The following ESRRG variants were observed in gnomAD, a reference collection of about 807,000 sequenced individuals.
The protein encoded by ESRRG is estrogen-related receptor gamma.
Under a neutral mutation model 44.0 loss-of-function variants are expected in ESRRG, and 13 were observed. The observed-to-expected ratio is 0.30, with a 90% CI of 0.19 to 0.47. The LOEUF is 0.47. Ranked by LOEUF, ESRRG falls within the 20% of genes least tolerant of loss-of-function variation. The pLI is 1.00. For synonymous variants in ESRRG, 215 were observed against 214.6 expected (o/e 1.00, Z -0.02); for missense variants, 395 against 580.6 (o/e 0.68, Z 3.29).
At chr1:216,606,820 G>A (rs1209436410) in intron 3 of ESRRG, among the ~76,000 whole-genome samples, 2 of 152,160 alleles carry the variant, frequency 1.3e-5, no homozygotes, top group Non-Finnish European at 2.9e-5. Flanking sequence ...GTCAGGTTGA[G>A]AATTATTTTA....
chr1:216,863,124 G>GA (rs1346250564), intron 2 of ESRRG: 2 of 152,142 alleles, frequency 1.3e-5, no homozygotes, highest in Admixed American at 6.6e-5. Context: ...TAAAAGCATA[G>GA]ATTGTTGGGT....
intron 2 of ESRRG, among the ~76,000 whole-genome samples, chr1:216,783,557 A>G (rs2094010583): frequency 6.6e-6 from 1 of 152,028 alleles, no homozygotes; most frequent in South Asian, 2.1e-4. Context: ...TTATAAATAT[A>G]TCTTCTCGTG....
At chr1:216,889,685 A>AT (rs963847334) in intron 2 of ESRRG, among the ~76,000 whole-genome samples, 19 of 152,084 alleles carry the variant, frequency 1.2e-4, no homozygotes, top group East Asian at 3.9e-4. Context: ...TAGTTTTAAC[A>AT]TTTTTTTTGT....
chr1:216,555,614 G>T (rs1022431552), intron 5 of ESRRG, among the ~76,000 whole-genome samples: 2 of 151,192 alleles, frequency 1.3e-5, no homozygotes, highest in African/African-American at 2.4e-5. Context: ...GCTTTTAAAT[G>T]ACTGTATTCT....
chr1:216,967,146 C>T (rs183288183), intron 1 of ESRRG, among the ~76,000 whole-genome samples: 28 of 151,874 alleles, frequency 1.8e-4, no homozygotes, highest in Non-Finnish European at 3.8e-4. Context: ...TATCGCCTAC[C>T]TACCCTCCAC....
At position 216,851,623 on chromosome 1, in the gene ESRRG, C is replaced by G. The variant is rs111684970; in HGVS notation, c.-14+87959G>C. 9.3e-3 allele frequency among the ~76,000 whole-genome samples: 1,412 copies of G among 152,236 alleles called. 16 individuals carry two copies. Among genetic ancestry groups the G allele is most frequent in the African/African-American group, 0.032 (1,343 of 41,564 alleles). Reference sequence around the variant, plus strand: ...CCTCGCCAGAACCTGATCATGCTGACACCCTGATCTCAGACTTTCAGCCTC... The same window carrying G: ...CCTCGCCAGAACCTGATCATGCTGAGACCCTGATCTCAGACTTTCAGCCTC... On this transcript the variant is annotated intron_variant, in intron 2 of 7. Coordinates refer to the ESRRG transcript ENST00000359162.
chr1:217,048,862 A>T (rs895584971), intron 1 of ESRRG, among the ~76,000 whole-genome samples: 7 of 152,138 alleles, frequency 4.6e-5, no homozygotes, highest in Non-Finnish European at 2.9e-5. Context: ...TCTGCTCTCA[A>T]CTTGTAGCCA....
At chr1:216,543,503 G>A (rs2053509390) in intron 5 of ESRRG, among the ~76,000 whole-genome samples, 1 of 151,920 alleles carries the variant, frequency 6.6e-6, no homozygotes, top group Non-Finnish European at 1.5e-5. Flanking sequence ...ATCCCAGCAA[G>A]CTTCTAATTT....
intron 2 of ESRRG, among the ~76,000 whole-genome samples, chr1:216,908,685 G>A (rs546285215): frequency 6.6e-6 from 1 of 152,152 alleles, no homozygotes; most frequent in South Asian, 2.1e-4. Flanking sequence ...CAAAAAGAGA[G>A]AGAACAAAGA....
intron 5 of ESRRG, among the ~76,000 whole-genome samples, chr1:216,551,530 A>T (rs141567317): frequency 1.3e-5 from 2 of 152,282 alleles, no homozygotes; most frequent in South Asian, 2.1e-4. Context: ...TATTCTAACT[A>T]TAAAAAATTG....
At chr1:216,564,816 C>T (rs1008014920) in intron 4 of ESRRG, among the ~76,000 whole-genome samples, 1 of 152,140 alleles carries the variant, frequency 6.6e-6, no homozygotes, top group Non-Finnish European at 1.5e-5. Context: ...CAAAGAACTA[C>T]TAATGCCTAT....
chr1:216,859,041 T>C (rs140454198), intron 2 of ESRRG, among the ~76,000 whole-genome samples: 23 of 152,328 alleles, frequency 1.5e-4, no homozygotes, highest in African/African-American at 5.3e-4. Context: ...AATGTGAATG[T>C]GTGTTATTAC....
chr1:217,041,471 A>T (rs112192607), intron 1 of ESRRG, among the ~76,000 whole-genome samples: 210 of 152,138 alleles, frequency 1.4e-3, no homozygotes, highest in African/African-American at 2.1e-3. Context: ...ATAGTTTTTT[A>T]AAAAAAATAG....
intron 2 of ESRRG, 146 bp from the exon 3 acceptor site, chr1:216,651,235 T>C (rs745966702): frequency 7.9e-6 from 5 of 635,990 alleles, no homozygotes; most frequent in South Asian, 1.8e-5. Flanking sequence ...ATAAATATCA[T>C]CAAGCTGGAT....
upstream of ESRRG, among the ~76,000 whole-genome samples, chr1:217,090,723 C>A (rs773425094): frequency 6.6e-6 from 1 of 152,158 alleles, no homozygotes; most frequent in Non-Finnish European, 1.5e-5. Context: ...ATTTGGGGGG[C>A]TCCGGGCATC....
intron 2 of ESRRG, among the ~76,000 whole-genome samples, chr1:216,894,488 T>C (rs2058183653): frequency 6.6e-6 from 1 of 152,036 alleles, no homozygotes; most frequent in South Asian, 2.1e-4. Context: ...ATCAAATGCT[T>C]GGGTAGAGTA....
upstream of ESRRG, among the ~76,000 whole-genome samples, chr1:216,726,927 A>G (rs971382495): frequency 1.3e-5 from 2 of 152,338 alleles, no homozygotes; most frequent in Admixed American, 1.3e-4. Context: ...TACACCAGAC[A>G]TTTTATTACA....
chr1:217,049,547 T>TTTTGAG (rs2085519218), intron 1 of ESRRG, among the ~76,000 whole-genome samples: 1 of 152,218 alleles, frequency 6.6e-6, no homozygotes, highest in African/African-American at 2.4e-5. Context: ...GAGAAGGTGC[T>TTTTGAG]AAGGCAGTCA....
Position 217,038,326 on chromosome 1 carries a change from C to T in ESRRG, c.-106+51181G>A, listed in dbSNP as rs150634381. Among the ~76,000 whole-genome samples the T allele has an allele frequency of 4.9e-3, 740 of 152,346 alleles. 4 individuals carry two copies. Among genetic ancestry groups the T allele is most frequent in the Non-Finnish European group, 8.4e-3 (572 of 68,020 alleles). ...TGAAATCTAGGGGGAGGTTCTCAAA[C>T]CTCAATTCTTGACTTTTGTGCACCC... On this transcript the variant is annotated intron_variant, in intron 1 of 7. Transcript: ENST00000359162.
Sources: gnomAD v4.1 joint callset for allele counts (sites outside exome capture counted in the v4.1 genomes callset) on GRCh38, gnomAD v4.1.1 for gene constraint, MANE v1.5 for transcripts, NCBI Gene and HGNC (gene_info 2026-07-23, HGNC 2026-07-21) for gene names.